Variants in FMN2 observed in about 807,000 individuals in gnomAD.
FMN2 encodes the protein formin 2, also known as formin-2.
In FMN2, 51 loss-of-function variants were observed where a neutral mutation model predicts 142.3. The observed-to-expected ratio is 0.36, with a 90% CI of 0.29 to 0.45. The LOEUF (loss-of-function observed/expected upper bound fraction) is 0.45, where lower values mean the gene tolerates loss of function less well. Among genes scored for constraint, FMN2 ranks in the 20% least tolerant of loss-of-function variants. FMN2 has a pLI of 1.00. For synonymous variants in FMN2, 882 were observed against 869.8 expected (o/e 1.01, Z -0.25); for missense variants, 1,936 against 2,122.8 (o/e 0.91, Z 1.73).
At chr1:240,144,242 C>T (rs1412677439) in intron 2 of FMN2, 1 of 1,580,518 alleles carries the variant, frequency 6.3e-7, no homozygotes, top group African/African-American at 1.3e-5. Flanking sequence ...ATTCACAAAG[C>T]CACTCACAAA....
At chr1:240,171,979 T>G (rs774158665) in intron 2 of FMN2, among the ~76,000 whole-genome samples, 3 of 152,150 alleles carry the variant, frequency 2.0e-5, no homozygotes, top group Non-Finnish European at 4.4e-5. Flanking sequence ...AGTGGAGTCA[T>G]GAAAATGCAT....
At chr1:240,375,743 A>C (rs918017503) in intron 14 of FMN2, among the ~76,000 whole-genome samples, 4 of 152,124 alleles carry the variant, frequency 2.6e-5, no homozygotes, top group African/African-American at 9.7e-5. Context: ...CCTGCAGTTC[A>C]TTCCCCAGCT....
At chr1:240,445,193 A>C (rs2103195643) in intron 16 of FMN2, among the ~76,000 whole-genome samples, 1 of 152,356 alleles carries the variant, frequency 6.6e-6, no homozygotes, top group Admixed American at 6.5e-5. Context: ...ACATTAAGAC[A>C]GTAAGTAATG....
chr1:240,343,308 A>G (rs889685344), intron 13 of FMN2, among the ~76,000 whole-genome samples: 1 of 152,178 alleles, frequency 6.6e-6, no homozygotes, highest in African/African-American at 2.4e-5. Context: ...AGGATCATTA[A>G]TCCTCTCTTT....
intron 1 of FMN2, among the ~76,000 whole-genome samples, chr1:240,107,479 A>G (rs1465413041): frequency 6.6e-6 from 1 of 152,218 alleles, no homozygotes; most frequent in Admixed American, 6.5e-5. Flanking sequence ...AACTTAATAG[A>G]TACAACAATT....
intron 1 of FMN2, among the ~76,000 whole-genome samples, chr1:240,101,420 T>G (rs182558216): frequency 3.3e-5 from 5 of 152,274 alleles, no homozygotes; most frequent in Non-Finnish European, 5.9e-5. Flanking sequence ...ACTTTGATAG[T>G]TTTGATCAAT....
intron 2 of FMN2, among the ~76,000 whole-genome samples, chr1:240,172,308 G>T (rs1326445124): frequency 1.3e-5 from 2 of 152,046 alleles, no homozygotes; most frequent in Non-Finnish European, 2.9e-5. Context: ...CAAATGCCAA[G>T]AAAACTCAGT....
At chr1:240,415,775 GATT>G (rs1299965392) in intron 15 of FMN2, among the ~76,000 whole-genome samples, 3 of 152,152 alleles carry the variant, frequency 2.0e-5, no homozygotes, top group Non-Finnish European at 4.4e-5. Context: ...TTTACCGAGT[GATT>G]CATATGAGTA....
chr1:240,170,882 C>T (rs1488792785), intron 2 of FMN2: 4 of 800,682 alleles, frequency 5.0e-6, no homozygotes, highest in Admixed American at 3.4e-5. Flanking sequence ...TTTGGAGCCA[C>T]TGAATGTATG....
At chr1:240,432,750 T>A (rs1675218754) in intron 15 of FMN2, among the ~76,000 whole-genome samples, 2 of 152,114 alleles carry the variant, frequency 1.3e-5, no homozygotes, top group Non-Finnish European at 2.9e-5. Context: ...ATCCATGGGT[T>A]ATTTATCACA....
At position 240,361,138 on chromosome 1, in the gene FMN2, TGTGTATATATATATATATATATATA is replaced by T. The variant is rs1348838772; in HGVS notation, c.4858+5231_4858+5255del. Among the ~76,000 whole-genome samples, 10 of 17,814 alleles carry T rather than the reference TGTGTATATATATATATATATATATA, an allele frequency of 5.6e-4. No individual in the cohort carries two copies. The East Asian group carries it at 0.012, about 22-fold the overall frequency. The allele number at this position is 17,814 out of a possible 152,430, so 11.7% of individuals were successfully genotyped here. ...AGTATAATAATAATAAATAAATATA[TGTGTATATATATATATATATATATA>T]TATATATATATATATATATATAAAA... On this transcript the variant is annotated intron_variant, in intron 14 of 17. Coordinates refer to ENST00000319653, the MANE Select transcript of FMN2 (RefSeq NM_020066.5).
intron 2 of FMN2, among the ~76,000 whole-genome samples, chr1:240,126,217 GAGAAA>G: frequency 6.6e-6 from 1 of 152,158 alleles, no homozygotes; most frequent in South Asian, 2.1e-4. Context: ...TCTATGGGGA[GAGAAA>G]TTTTCGATAA....
At chr1:240,338,797 T>C (rs1404423162) in intron 13 of FMN2, among the ~76,000 whole-genome samples, 3 of 152,226 alleles carry the variant, frequency 2.0e-5, no homozygotes, top group Non-Finnish European at 4.4e-5. Flanking sequence ...TTGTGCGCTT[T>C]ACTTCTATTA....
chr1:240,196,479 G>A (rs1230674079), intron 4 of FMN2, among the ~76,000 whole-genome samples: 5 of 152,076 alleles, frequency 3.3e-5, no homozygotes, highest in Non-Finnish European at 2.9e-5. Flanking sequence ...AACTGTGGAG[G>A]TGGGGCCCAG....
chr1:240,392,457 T>C (rs2103098175), intron 14 of FMN2, 54 bp from the exon 15 acceptor site: 1 of 1,441,414 alleles, frequency 6.9e-7, no homozygotes, highest in South Asian at 1.2e-5. Flanking sequence ...TTGCTTGAAA[T>C]AGTGTAACAA....
chr1:240,218,881 C>A (rs549276596), intron 6 of FMN2, among the ~76,000 whole-genome samples: 3 of 152,196 alleles, frequency 2.0e-5, no homozygotes, highest in African/African-American at 7.2e-5. Flanking sequence ...TTGAATTATC[C>A]TTCAGGTTCC....
At chr1:240,129,873 GTC>G (rs1240779713) in intron 2 of FMN2, among the ~76,000 whole-genome samples, 1 of 152,022 alleles carries the variant, frequency 6.6e-6, no homozygotes, top group Non-Finnish European at 1.5e-5. Context: ...CTCCTTCCTT[GTC>G]TCTCCTTCTT....
chr1:240,232,283 G>T (rs183807998), intron 6 of FMN2, among the ~76,000 whole-genome samples: 18 of 148,554 alleles, frequency 1.2e-4, no homozygotes, highest in African/African-American at 3.7e-4. Context: ...GTAGAGACAG[G>T]GTTTCACAAT....
At chr1:240,301,750 A>G (rs761878155) in intron 8 of FMN2, among the ~76,000 whole-genome samples, 8 of 151,974 alleles carry the variant, frequency 5.3e-5, no homozygotes, top group Non-Finnish European at 1.2e-4. Context: ...CTTTGTATTA[A>G]TACATAAATT....
Sources: gnomAD v4.1 joint callset for allele counts (sites outside exome capture counted in the v4.1 genomes callset) on GRCh38, gnomAD v4.1.1 for gene constraint, MANE v1.5 for transcripts, NCBI Gene and HGNC (gene_info 2026-07-23, HGNC 2026-07-21) for gene names.